The following CNST variants were observed in gnomAD, a reference collection of about 807,000 sequenced individuals.
The protein encoded by CNST is consortin.
Under a neutral mutation model 72.4 loss-of-function variants are expected in CNST, and 39 were observed. The observed-to-expected ratio is 0.54, with a 90% CI of 0.42 to 0.70. The LOEUF is 0.70. CNST is among the 30% of genes least tolerant of loss of function. CNST has a pLI of 0.00. For synonymous variants in CNST, 332 were observed against 320.1 expected (o/e 1.04, Z -0.40); for missense variants, 871 against 868.5 (o/e 1.00, Z -0.04).
intron 1 of CNST, among the ~76,000 whole-genome samples, chr1:246,587,141 T>C (rs1661247717): frequency 6.6e-6 from 1 of 152,216 alleles, no homozygotes; most frequent in Non-Finnish European, 1.5e-5. Context: ...CTTCAATAAC[T>C]GTTAAAGAGA....
chr1:246,578,047 G>A (rs911120754), intron 1 of CNST, among the ~76,000 whole-genome samples: 3 of 151,852 alleles, frequency 2.0e-5, no homozygotes, highest in Non-Finnish European at 4.4e-5. Flanking sequence ...GTTTCCTTGG[G>A]TAAAAGGTAG....
intron 10 of CNST, among the ~76,000 whole-genome samples, chr1:246,665,319 C>G (rs1439754134): frequency 6.6e-6 from 1 of 152,204 alleles, no homozygotes; most frequent in Admixed American, 6.5e-5. Flanking sequence ...CTGCAGTGAG[C>G]CAAGATTTTG....
chr1:246,572,797 G>A (rs1011060708), intron 1 of CNST, among the ~76,000 whole-genome samples: 2 of 152,148 alleles, frequency 1.3e-5, no homozygotes, highest in Non-Finnish European at 2.9e-5. Context: ...TCCTGAGCTC[G>A]AGCAGAGTGC....
chr1:246,591,965 C>T lies in CNST; in HGVS notation c.379+24C>T, dbSNP rs1661574085. The T allele has an allele frequency of 3.2e-6, 5 of 1,553,580 alleles. No homozygotes were observed. In the African/African-American group the frequency reaches 5.5e-5, roughly 17 times the overall value. ...AGGTATTGTTTAAAATAGTATTTAT[C>T]CTCTTCTTTAATTAATTAAAAATGA... is the stretch of plus-strand genomic sequence containing the variant. On this transcript the variant is annotated intron_variant, in intron 2 of 10. Transcript: ENST00000366513.
intron 1 of CNST, among the ~76,000 whole-genome samples, chr1:246,576,941 G>A (rs1466931997): frequency 1.3e-5 from 2 of 151,986 alleles, no homozygotes; most frequent in Admixed American, 1.3e-4. Flanking sequence ...TCAGACTTCA[G>A]GCAAGCACCA....
At chr1:246,567,702 TATCTC>T (rs1188615076) in intron 1 of CNST, among the ~76,000 whole-genome samples, 1 of 152,122 alleles carries the variant, frequency 6.6e-6, no homozygotes, top group Non-Finnish European at 1.5e-5. Flanking sequence ...TCATAGAAAA[TATCTC>T]ATCAACTGTT....
intron 2 of CNST, among the ~76,000 whole-genome samples, chr1:246,605,599 G>C (rs1221114194): frequency 3.9e-5 from 6 of 152,166 alleles, no homozygotes; most frequent in Non-Finnish European, 8.8e-5. Context: ...CCTGTCTGAT[G>C]TAACGGCTAC....
chr1:246,636,696 T>G (rs75274294), intron 6 of CNST, among the ~76,000 whole-genome samples: 10,415 of 152,278 alleles, frequency 0.068, 575 homozygotes, highest in East Asian at 0.21. Flanking sequence ...AAAGCCACTG[T>G]TTCCCTTTTG....
intron 1 of CNST, 106 bp from the exon 2 acceptor site, chr1:246,591,406 T>C: frequency 3.8e-6 from 3 of 799,740 alleles, no homozygotes; most frequent in Non-Finnish European, 5.9e-6. Context: ...TTTCCTTCTC[T>C]TCCCTATTTA....
rs768678227 is a variant in CNST at position 246,591,084 on chromosome 1, C to T, written c.-51-428C>T. Among the ~76,000 whole-genome samples, 89 of 152,040 alleles carry T rather than the reference C, an allele frequency of 5.9e-4. 2 individuals are homozygous for T. The highest frequency in any genetic ancestry group is 2.5e-4 in the Non-Finnish European group (17 of 68,024). On this transcript the variant is annotated intron_variant, in intron 1 of 10. Coordinates refer to ENST00000366513, the MANE Select transcript of CNST (RefSeq NM_152609.3). ...GCCAGAGAAGAACTTATACAACTAG[C>T]TTTCAGTTGTCTGCTGAGTGTCCAG...
chr1:246,584,039 T>C (rs5782398), intron 1 of CNST, among the ~76,000 whole-genome samples: 139,509 of 151,942 alleles, frequency 0.92, 64,036 homozygotes, highest in African/African-American at 0.94. Context: ...TGCTGGGCTT[T>C]AAGCAGTCCT....
intron 9 of CNST, among the ~76,000 whole-genome samples, chr1:246,654,215 C>T (rs892034358): frequency 6.6e-6 from 1 of 152,168 alleles, no homozygotes; most frequent in Non-Finnish European, 1.5e-5. Context: ...TCAGACTGGC[C>T]CCCTCGCCAC....
chr1:246,568,700 C>T (rs1260321190), intron 1 of CNST, among the ~76,000 whole-genome samples: 1 of 152,084 alleles, frequency 6.6e-6, no homozygotes, highest in African/African-American at 2.4e-5. Context: ...CTTCAGCCTC[C>T]CGAGTAGCTG....
At chr1:246,663,937 T>C (rs78874911) in intron 10 of CNST, among the ~76,000 whole-genome samples, 6,187 of 152,232 alleles carry the variant, frequency 0.041, 435 homozygotes, top group African/African-American at 0.14. Flanking sequence ...TCTAAGATGC[T>C]TTTGGGGTTG....
chr1:246,607,606 A>G (rs939862281), intron 2 of CNST: 5 of 152,422 alleles, frequency 3.3e-5, no homozygotes, highest in African/African-American at 1.2e-4. Context: ...GTCTCCTGTA[A>G]ACAGGAAGTG....
In CNST at chr1:246,660,313, A is replaced by C. The variant is rs1009456742; in HGVS notation, c.1951A>C (p.Ile651Leu). ...TAAGCGAAGAGTGAGATTCCAAGAA[A>C]TAGACGATAGCTTGGATCAAGGTAA... ...PSKRRVRFQE[I>L]DDSLDQDEVG... Residue 651 changes from isoleucine (I) to leucine (L), a missense_variant, in exon 10 of 11, where the codon ATA (isoleucine) becomes CTA (leucine). By Grantham distance (5) the Ile-to-Leu change is conservative. Coordinates refer to ENST00000366513, the MANE Select transcript of CNST (RefSeq NM_152609.3). The C allele has an allele frequency of 1.2e-6, 2 of 1,613,914 alleles. No homozygotes were observed. Among genetic ancestry groups the C allele is most frequent in the African/African-American group, 2.7e-5 (2 of 74,914 alleles).
rs567542426 is a variant in CNST at position 246,619,838 on chromosome 1, A to T, written c.380-1591A>T. 3.9e-4 allele frequency among the ~76,000 whole-genome samples: 59 copies of T among 151,334 alleles called. No individual in the cohort carries two copies. The South Asian group carries it at 0.012, about 31-fold the overall frequency. ...GCTCTGGGCACACTCTACAGGGAGG[A>T]CGGCTTCAGTCATGGTGCATACACA... On this transcript the variant is annotated intron_variant, in intron 2 of 10. Transcript: ENST00000366513.
rs1389891232 is a variant in CNST at position 246,667,258 on chromosome 1, G to A, written c.*1353G>A. Reference sequence around the variant, plus strand: ...TTTCTAGTTGTTACTGGCTGGCACAGTACCTCCCTTTGTGTTTCTGCTTAT... The same window carrying A: ...TTTCTAGTTGTTACTGGCTGGCACAATACCTCCCTTTGTGTTTCTGCTTAT... On this transcript the variant is annotated 3_prime_UTR_variant, in exon 11 of 11. Coordinates refer to ENST00000366513, the MANE Select transcript of CNST (RefSeq NM_152609.3). 6.6e-6 allele frequency: 1 copy of A among 152,186 alleles called. No homozygotes were observed. The highest frequency in any genetic ancestry group is 1.9e-4 in the East Asian group (1 of 5,200). The allele number at this position is 152,186 out of a possible 1,614,324, so 9.4% of individuals were successfully genotyped here. A position where few individuals can be genotyped will look rare whatever the true frequency, so the allele number is the denominator to read the frequency against.
intron 6 of CNST, among the ~76,000 whole-genome samples, chr1:246,641,120 C>T (rs1349504957): frequency 6.6e-6 from 1 of 152,130 alleles, no homozygotes; most frequent in Non-Finnish European, 1.5e-5. Context: ...ATGTCTTGTT[C>T]CATGTTGTTG....
Sources: allele counts gnomAD v4.1 joint callset (sites outside exome capture counted in the v4.1 genomes callset), GRCh38; gene constraint gnomAD v4.1.1; transcripts MANE v1.5; gene names NCBI Gene and HGNC (gene_info 2026-07-23, HGNC 2026-07-21).